The following TEN1 variants were observed in gnomAD, a reference collection of about 807,000 sequenced individuals.
TEN1 encodes CST complex subunit TEN1.
Under a neutral mutation model 9.3 loss-of-function variants are expected in TEN1, and 6 were observed. The ratio of observed to expected loss-of-function variants is 0.65; its 90% CI spans 0.35 to 1.27. The LOEUF is 1.27. Ranked by LOEUF, TEN1 falls within the 50% of genes most tolerant of loss-of-function variation. TEN1 has a pLI of 0.03. For missense variants in TEN1, 149 were observed against 158.2 expected, an observed-to-expected ratio of 0.94 and a Z score of 0.31; for synonymous variants, 65 against 65.6, an observed-to-expected ratio of 0.99 and a Z score of 0.04.
intron 3 of TEN1, among the ~76,000 whole-genome samples, chr17:75,993,415 T>C (rs2066199185): frequency 6.6e-6 from 1 of 152,078 alleles, no homozygotes. Context: ...GAAAGTTCTT[T>C]AGAGAAGAGT....
chr17:75,981,687 A>G (rs746082996), intron 1 of TEN1, among the ~76,000 whole-genome samples: 40 of 151,388 alleles, frequency 2.6e-4, no homozygotes, highest in Non-Finnish European at 5.3e-4. Flanking sequence ...CTCTTCCCCA[A>G]GGCAGGTCAT....
rs562817719 is a variant in TEN1 at position 75,986,449 on chromosome 17, C to T, written c.92+165C>T. On this transcript the variant is annotated intron_variant, in intron 2 of 3. Transcript: ENST00000397640. ...GGGCGCGGTGGCTCATGCCTGTAAT[C>T]GCAGCACTTTGGGAGGCCGAGGTGG... is the stretch of plus-strand genomic sequence containing the variant. 7.2e-5 allele frequency among the ~76,000 whole-genome samples: 11 copies of T among 152,140 alleles called. No homozygotes were observed. In the East Asian group the frequency reaches 1.7e-3, roughly 24 times the overall value.
At chr17:75,983,791 GTCC>G (rs1351293979) in intron 1 of TEN1, among the ~76,000 whole-genome samples, 4 of 152,098 alleles carry the variant, frequency 2.6e-5, no homozygotes, top group African/African-American at 9.7e-5. Flanking sequence ...GTGGCAAATG[GTCC>G]TCCTGCAGGC....
chr17:75,994,905 G>A (rs1000721935), intron 3 of TEN1, among the ~76,000 whole-genome samples: 1 of 152,110 alleles, frequency 6.6e-6, no homozygotes, highest in Non-Finnish European at 1.5e-5. Context: ...TGGGCAGAGG[G>A]GGCACCCTGT....
intron 1 of TEN1, among the ~76,000 whole-genome samples, chr17:75,982,931 G>A (rs1441471343): frequency 2.1e-5 from 3 of 144,702 alleles, no homozygotes; most frequent in Non-Finnish European, 3.0e-5. Flanking sequence ...GGCTAGTCTC[G>A]AACTCCTGAC....
chr17:75,990,068 C>T (rs1373714091), intron 2 of TEN1, among the ~76,000 whole-genome samples: 5 of 140,542 alleles, frequency 3.6e-5, no homozygotes, highest in South Asian at 2.3e-4. Context: ...TTTTTTGAGA[C>T]GGAGTCTTGC....
intron 2 of TEN1, among the ~76,000 whole-genome samples, chr17:75,988,165 G>A (rs1314619271): frequency 1.3e-5 from 2 of 150,046 alleles, no homozygotes; most frequent in African/African-American, 2.5e-5. Context: ...GCTTGAACCC[G>A]GGAGGCAGAG....
chr17:75,983,230 G>A (rs1244565928), intron 1 of TEN1, among the ~76,000 whole-genome samples: 1 of 151,854 alleles, frequency 6.6e-6, no homozygotes, highest in Non-Finnish European at 1.5e-5. Context: ...ACAGTGAGCC[G>A]AGATCCCGCC....
chr17:75,981,556 C>T lies in TEN1; in HGVS notation c.-7+2045C>T, dbSNP rs117515321. On this transcript the variant is annotated intron_variant, in intron 1 of 3. Coordinates refer to ENST00000397640, the MANE Select transcript of TEN1 (RefSeq NM_001113324.3). ...AGTGTTGGGTCTCAGAAAACAATAC[C>T]CCAAAATGAAGGCCTCAGAAGCAAC... 4.6e-3 allele frequency among the ~76,000 whole-genome samples: 698 copies of T among 151,616 alleles called. 3 individuals are homozygous for T. The highest frequency in any genetic ancestry group is 8.0e-3 in the Non-Finnish European group (540 of 67,894).
intron 3 of TEN1, among the ~76,000 whole-genome samples, chr17:75,999,061 G>A (rs990315220): frequency 3.3e-5 from 5 of 151,802 alleles, no homozygotes; most frequent in African/African-American, 4.8e-5. Context: ...AAAAAAAAAT[G>A]TCAGCAATGC....
intron 1 of TEN1, among the ~76,000 whole-genome samples, chr17:75,983,000 G>T (rs2066131462): frequency 6.6e-6 from 1 of 151,270 alleles, no homozygotes; most frequent in South Asian, 2.1e-4. Context: ...AAAGGAAGAG[G>T]CCCGGTGAGG....
intron 2 of TEN1, among the ~76,000 whole-genome samples, chr17:75,991,149 CAAAAAAAAAA>C (rs71361699): frequency 2.8e-5 from 2 of 70,220 alleles, no homozygotes; most frequent in Non-Finnish European, 5.1e-5. Flanking sequence ...GACTCCATCT[CAAAAAAAAAA>C]AAAAAAAAAG....
At chr17:75,995,586 C>T (rs1289434210) in intron 3 of TEN1, among the ~76,000 whole-genome samples, 1 of 152,194 alleles carries the variant, frequency 6.6e-6, no homozygotes, top group Admixed American at 6.5e-5. Context: ...ATGGACCTGA[C>T]ACCCGCTGGC....
At chr17:75,993,873 G>A (rs2066202380) in intron 3 of TEN1, among the ~76,000 whole-genome samples, 2 of 152,170 alleles carry the variant, frequency 1.3e-5, no homozygotes, top group African/African-American at 4.8e-5. Context: ...GCACACGCCT[G>A]TAGTCCCAGC....
chr17:75,990,165 C>G (rs2066176550), intron 2 of TEN1, among the ~76,000 whole-genome samples: 1 of 151,906 alleles, frequency 6.6e-6, no homozygotes, highest in Non-Finnish European at 1.5e-5. Flanking sequence ...CCCGTCTTGG[C>G]CTCCCAAGTA....
intron 1 of TEN1, among the ~76,000 whole-genome samples, chr17:75,984,251 C>T (rs935876866): frequency 2.6e-5 from 4 of 152,204 alleles, no homozygotes; most frequent in East Asian, 1.9e-4. Flanking sequence ...CATCTTACTT[C>T]TCTATCAAAC....
chr17:75,983,760 T>TG (rs2066136488), intron 1 of TEN1, among the ~76,000 whole-genome samples: 1 of 151,974 alleles, frequency 6.6e-6, no homozygotes, highest in Non-Finnish European at 1.5e-5. Flanking sequence ...GCTGATTGGT[T>TG]GGGGGTGCAA....
At chr17:75,999,070 GCA>G (rs1318913332) in intron 3 of TEN1, among the ~76,000 whole-genome samples, 1 of 152,022 alleles carries the variant, frequency 6.6e-6, no homozygotes, top group Non-Finnish European at 1.5e-5. Flanking sequence ...TGTCAGCAAT[GCA>G]CAGTGGCTCA....
rs1326297434 is a variant in TEN1, at chr17:76,000,041, C to G, written c.251-100C>G. 5 of 1,481,230 alleles carry G rather than the reference C, an allele frequency of 3.4e-6. No homozygotes were observed. The highest frequency in any genetic ancestry group is 4.5e-6 in the Non-Finnish European group (5 of 1,108,456). The allele number at this position is 1,481,230 out of a possible 1,614,324, so 91.8% of individuals were successfully genotyped here. On this transcript the variant is annotated intron_variant, in intron 3 of 3. Transcript: ENST00000397640. The surrounding 1 kb of genome is among the most constrained non-coding windows in gnomAD (Gnocchi z 5.9). ...TTGTCCACATCACTTGCTGCCAAAA[C>G]CCAGGACTGAGCTGTGGAGGGAACA...
Sources: allele counts gnomAD v4.1 joint callset (sites outside exome capture counted in the v4.1 genomes callset), GRCh38; gene constraint gnomAD v4.1.1; non-coding constraint Gnocchi (gnomAD v3.1); transcripts MANE v1.5; gene names NCBI Gene and HGNC (gene_info 2026-07-23, HGNC 2026-07-21).